The following MYLK4 variants were observed in gnomAD, a reference collection of about 807,000 sequenced individuals.
MYLK4 encodes the protein myosin light chain kinase family member 4.
Under a neutral mutation model 48.1 loss-of-function variants are expected in MYLK4, and 46 were observed. The ratio of observed to expected loss-of-function variants is 0.96; its 90% CI spans 0.75 to 1.22. The LOEUF (loss-of-function observed/expected upper bound fraction) is 1.22. Ranked by LOEUF, MYLK4 falls within the 50% of genes most tolerant of loss-of-function variation. The pLI is 0.00. For missense variants in MYLK4, 451 were observed against 486.1 expected, an observed-to-expected ratio of 0.93 and a Z score of 0.68; for synonymous variants, 170 against 180.8, an observed-to-expected ratio of 0.94 and a Z score of 0.48.
At chr6:2,715,094 G>A (rs11961812) in intron 2 of MYLK4, among the ~76,000 whole-genome samples, 28,320 of 151,884 alleles carry the variant, frequency 0.19, 2,826 homozygotes, top group African/African-American at 0.24. Flanking sequence ...GAGAAACCCC[G>A]TCTCTACTAA....
At chr6:2,765,838 G>A in the MYLK4 span, 4 of 1,382,994 alleles carry the variant, frequency 2.9e-6, no homozygotes, top group South Asian at 4.8e-5. Flanking sequence ...CCAAGAGGCG[G>A]CGGCTGTCGG....
chr6:2,753,998 C>CA (rs199757208), upstream of MYLK4, among the ~76,000 whole-genome samples: 2,170 of 105,030 alleles, frequency 0.021, 32 homozygotes, highest in African/African-American at 0.064. Context: ...CCATCTCTAC[C>CA]AAAAAAAAAA....
At chr6:2,747,103 C>T (rs1192799118) in intron 2 of MYLK4, among the ~76,000 whole-genome samples, 5 of 152,192 alleles carry the variant, frequency 3.3e-5, no homozygotes, top group Non-Finnish European at 7.3e-5. Flanking sequence ...TGATTCCTTC[C>T]CACCTTCCAC....
At chr6:2,692,569 T>C (rs531053927) in intron 3 of MYLK4, among the ~76,000 whole-genome samples, 3 of 131,330 alleles carry the variant, frequency 2.3e-5, no homozygotes, top group African/African-American at 8.6e-5. Flanking sequence ...TAGAAGGAAA[T>C]ATGACCAATT....
At chr6:2,748,072 T>C (rs1202340923) in intron 2 of MYLK4, among the ~76,000 whole-genome samples, 3 of 152,190 alleles carry the variant, frequency 2.0e-5, no homozygotes, top group African/African-American at 7.2e-5. Flanking sequence ...TATTGCATTG[T>C]TAGAAACGCC....
the MYLK4 span, among the ~76,000 whole-genome samples, chr6:2,769,176 A>T: frequency 6.6e-6 from 1 of 152,256 alleles, no homozygotes; most frequent in Non-Finnish European, 1.5e-5. Flanking sequence ...TCTAAATACT[A>T]GGAGTCATTG....
At chr6:2,679,141 A>G (rs2113111549) in intron 9 of MYLK4, 139 bp downstream of exon 9, 1 of 1,024,000 alleles carries the variant, frequency 9.8e-7, no homozygotes, top group African/African-American at 1.6e-5. Context: ...GAGTCAACAA[A>G]ACCTAGAAGG....
At chr6:2,707,487 G>C (rs534141766) in intron 2 of MYLK4, among the ~76,000 whole-genome samples, 1 of 152,038 alleles carries the variant, frequency 6.6e-6, no homozygotes. Flanking sequence ...TGAAAAGTTC[G>C]CATGCTATTA....
intron 2 of MYLK4, among the ~76,000 whole-genome samples, chr6:2,715,303 GAA>G (rs1762828494): frequency 1.3e-5 from 2 of 151,458 alleles, no homozygotes; most frequent in Non-Finnish European, 1.5e-5. Context: ...TTTGTAGGAA[GAA>G]AAGAGTTCTG....
Position 2,685,403 on chromosome 6 carries a change from C to T in MYLK4, c.438G>A (p.Glu146=). 6.2e-7 allele frequency: 1 copy of T among 1,613,382 alleles called. No individual in the cohort carries two copies. Residue 146 remains glutamate (E), a splice_region_variant and synonymous_variant, in exon 6 of 13, where the codon GAG becomes GAA. Transcript: ENST00000274643. This position sits in a 1 kb window ranked among gnomAD's most constrained non-coding sequence, Gnocchi z 4.5. ...TGACGCTGATCTCGTTCTTCACCTCCTCCTGAGAAGCAGGAAACAGTGCAT... is the reference window on the plus strand; with the variant it reads ...TGACGCTGATCTCGTTCTTCACCTCTTCCTGAGAAGCAGGAAACAGTGCAT... ...IIKTRGMKDK[E]EVKNEISVMN... is the part of the protein sequence containing the mutation.
At chr6:2,729,065 C>T (rs1763384570) in intron 2 of MYLK4, among the ~76,000 whole-genome samples, 2 of 152,334 alleles carry the variant, frequency 1.3e-5, no homozygotes, top group Admixed American at 6.5e-5. Flanking sequence ...GCTCACTGTC[C>T]ACCAACTGTG....
chr6:2,720,221 G>C (rs1433658255), intron 2 of MYLK4, among the ~76,000 whole-genome samples: 1 of 152,082 alleles, frequency 6.6e-6, no homozygotes, highest in African/African-American at 2.4e-5. Context: ...TGGCCAACAT[G>C]GTGAAACCCC....
the MYLK4 span, among the ~76,000 whole-genome samples, chr6:2,756,611 T>A: frequency 6.6e-6 from 1 of 152,158 alleles, no homozygotes; most frequent in African/African-American, 2.4e-5. Flanking sequence ...ACTGATATAT[T>A]TCTATTTCCA....
At chr6:2,681,010 A>C (rs1453015087) in intron 7 of MYLK4, among the ~76,000 whole-genome samples, 1 of 152,214 alleles carries the variant, frequency 6.6e-6, no homozygotes, top group Admixed American at 6.5e-5. Flanking sequence ...TGTTCACAGA[A>C]TGCCTTACAA....
upstream of MYLK4, among the ~76,000 whole-genome samples, chr6:2,754,261 G>T (rs1237815765): frequency 1.3e-5 from 2 of 152,116 alleles, no homozygotes; most frequent in African/African-American, 4.8e-5. Context: ...GCCAAAAACT[G>T]AAAACAACCA....
the MYLK4 span, chr6:2,765,447 G>A: frequency 1.4e-6 from 1 of 739,846 alleles, no homozygotes; most frequent in Non-Finnish European, 1.8e-6. Context: ...AGGGCGGGCG[G>A]ACGCGGGAGC....
chr6:2,761,093 C>CT, the MYLK4 span, among the ~76,000 whole-genome samples: 1 of 152,104 alleles, frequency 6.6e-6, no homozygotes, highest in Non-Finnish European at 1.5e-5. Context: ...TAGTAGATGG[C>CT]TTATAAAATA....
chr6:2,748,698 C>A (rs1764184055), intron 2 of MYLK4, among the ~76,000 whole-genome samples: 1 of 152,258 alleles, frequency 6.6e-6, no homozygotes, highest in African/African-American at 2.4e-5. Context: ...GTCGTGCCAT[C>A]AGCAAGTCTT....
At chr6:2,724,168 A>G (rs1763166417) in intron 2 of MYLK4, among the ~76,000 whole-genome samples, 1 of 152,176 alleles carries the variant, frequency 6.6e-6, no homozygotes, top group East Asian at 1.9e-4. Context: ...ATGAGCCACC[A>G]TGCCTGGCTG....
Sources: allele counts gnomAD v4.1 joint callset (sites outside exome capture counted in the v4.1 genomes callset), GRCh38; gene constraint gnomAD v4.1.1; non-coding constraint Gnocchi (gnomAD v3.1); transcripts MANE v1.5; gene names NCBI Gene and HGNC (gene_info 2026-07-23, HGNC 2026-07-21).